The following LARGE1 variants were observed in gnomAD, a reference collection of about 807,000 sequenced individuals.
The protein encoded by LARGE1 is xylosyl- and glucuronyltransferase LARGE1.
In LARGE1, 43 loss-of-function variants were observed where a neutral mutation model predicts 87.6. That is an observed-to-expected ratio of 0.49 (90% CI 0.38 to 0.63). The LOEUF (loss-of-function observed/expected upper bound fraction) is 0.63. Among genes scored for constraint, LARGE1 ranks in the 30% least tolerant of loss-of-function variants. LARGE1 has a pLI of 0.00. For missense variants in LARGE1, 802 were observed against 1,000.2 expected (o/e 0.80, Z 2.67); for synonymous variants, 434 against 394.6 (o/e 1.10, Z -1.18).
chr22:33,336,292 C>T lies in LARGE1; in HGVS notation c.1287+1354G>A, dbSNP rs149228295. 8.4e-3 allele frequency among the ~76,000 whole-genome samples: 1,282 copies of T among 152,178 alleles called. 15 individuals carry two copies. Among genetic ancestry groups the T allele is most frequent in the African/African-American group, 0.029 (1,214 of 41,518 alleles). On this transcript the variant is annotated intron_variant, in intron 10 of 14. Transcript: ENST00000397394. ...CTCGGCTCACTGTAACCTCCGCCTC[C>T]CGGGTTCAAGCAATTCTCCTACCTC... is the stretch of plus-strand genomic sequence containing the variant.
At chr22:33,866,887 T>A (rs993843727) in intron 1 of LARGE1, among the ~76,000 whole-genome samples, 6 of 151,992 alleles carry the variant, frequency 3.9e-5, no homozygotes, top group African/African-American at 1.4e-4. Context: ...GACATAGAAA[T>A]GAACAAAGGC....
chr22:33,719,162 G>GTC (rs530967630), intron 2 of LARGE1, among the ~76,000 whole-genome samples: 30 of 152,304 alleles, frequency 2.0e-4, no homozygotes, highest in Non-Finnish European at 2.6e-4. Flanking sequence ...AGCTTACAGT[G>GTC]TAAGGATATA....
At chr22:33,872,527 C>A (rs9621790) in intron 1 of LARGE1, among the ~76,000 whole-genome samples, 23,450 of 151,892 alleles carry the variant, frequency 0.15, 1,900 homozygotes, top group South Asian at 0.31. Flanking sequence ...CCGCCACCCC[C>A]CCAGCGACAC....
At chr22:33,793,930 T>C (rs757632999) in intron 1 of LARGE1, among the ~76,000 whole-genome samples, 26 of 152,146 alleles carry the variant, frequency 1.7e-4, no homozygotes, top group Non-Finnish European at 3.5e-4. Context: ...TTGATAACCA[T>C]AATTTTTTTT....
chr22:33,242,703 T>G (rs1004830824), intron 11 of LARGE1, among the ~76,000 whole-genome samples: 4 of 152,164 alleles, frequency 2.6e-5, no homozygotes, highest in African/African-American at 9.7e-5. Flanking sequence ...TCTAGGGACA[T>G]GTATGAGTTT....
intron 1 of LARGE1, among the ~76,000 whole-genome samples, chr22:33,826,736 C>G (rs917101078): frequency 6.6e-6 from 1 of 152,142 alleles, no homozygotes; most frequent in African/African-American, 2.4e-5. Flanking sequence ...TAACCACATC[C>G]ACAAAGGGTC....
At chr22:33,140,065 C>A in the LARGE1 span, among the ~76,000 whole-genome samples, 1 of 152,162 alleles carries the variant, frequency 6.6e-6, no homozygotes, top group Non-Finnish European at 1.5e-5. Flanking sequence ...GAGGTTAGAG[C>A]CCCATTATTC....
chr22:33,241,498 T>C (rs1401635028), intron 11 of LARGE1, among the ~76,000 whole-genome samples: 1 of 151,794 alleles, frequency 6.6e-6, no homozygotes, highest in Non-Finnish European at 1.5e-5. Flanking sequence ...ATGTATTAAG[T>C]GAATGGATAA....
At chr22:33,517,003 T>C (rs1380150586) in intron 6 of LARGE1, among the ~76,000 whole-genome samples, 2 of 152,190 alleles carry the variant, frequency 1.3e-5, no homozygotes, top group African/African-American at 4.8e-5. Context: ...ACACGCACTC[T>C]TATATTGCTA....
In LARGE1 at chr22:33,565,128, T is replaced by C. The variant is rs1280524825; in HGVS notation, c.616-109A>G. The C allele has an allele frequency of 8.1e-6, 8 of 991,388 alleles. No homozygotes were observed. In the East Asian group the frequency reaches 1.5e-4, roughly 19 times the overall value. The allele number at this position is 991,388 out of a possible 1,614,324, so 61.4% of individuals were successfully genotyped here. Reference sequence around the variant, plus strand: ...TGCCTAGCACACAAAAAGTATCCAATAAAAATTTGTTGAATAAATGAATGA... The same window carrying C: ...TGCCTAGCACACAAAAAGTATCCAACAAAAATTTGTTGAATAAATGAATGA... On this transcript the variant is annotated intron_variant, in intron 5 of 14. Transcript: ENST00000397394.
At chr22:33,575,202 G>A (rs1458933709) in intron 5 of LARGE1, among the ~76,000 whole-genome samples, 8 of 152,134 alleles carry the variant, frequency 5.3e-5, no homozygotes. Flanking sequence ...AGGTCTTCTT[G>A]GCTGAATCAT....
At chr22:33,906,187 T>C (rs996617068) in intron 1 of LARGE1, among the ~76,000 whole-genome samples, 1 of 150,778 alleles carries the variant, frequency 6.6e-6, no homozygotes, top group Non-Finnish European at 1.5e-5. Context: ...TGAGGGAGGA[T>C]AACCATGAAA....
intron 2 of LARGE1, among the ~76,000 whole-genome samples, chr22:33,713,367 C>A (rs1457881978): frequency 6.6e-6 from 1 of 152,142 alleles, no homozygotes; most frequent in Non-Finnish European, 1.5e-5. Flanking sequence ...CAGCCTTTCG[C>A]TAGGAATCCC....
At chr22:33,430,838 G>A (rs1175801659) in intron 7 of LARGE1, among the ~76,000 whole-genome samples, 1 of 152,144 alleles carries the variant, frequency 6.6e-6, no homozygotes, top group Non-Finnish European at 1.5e-5. Flanking sequence ...CCCTGTGTTT[G>A]CATTTGACTT....
At chr22:33,684,955 T>G (rs1296383543) in intron 2 of LARGE1, among the ~76,000 whole-genome samples, 1 of 152,182 alleles carries the variant, frequency 6.6e-6, no homozygotes, top group Non-Finnish European at 1.5e-5. Flanking sequence ...TTGGTTTCAT[T>G]CTGAGGATTT....
intron 6 of LARGE1, among the ~76,000 whole-genome samples, chr22:33,448,318 G>T (rs955269516): frequency 1.2e-4 from 19 of 152,298 alleles, no homozygotes; most frequent in African/African-American, 4.3e-4. Flanking sequence ...GAGGGAATGT[G>T]TATGTCAAGT....
the LARGE1 span, among the ~76,000 whole-genome samples, chr22:33,131,701 T>G: frequency 6.6e-6 from 1 of 152,116 alleles, no homozygotes; most frequent in Non-Finnish European, 1.5e-5. Context: ...CCCCCAAGAT[T>G]CAATTACCTC....
intron 6 of LARGE1, among the ~76,000 whole-genome samples, chr22:33,437,772 CA>C (rs150978165): frequency 1.3e-5 from 2 of 151,498 alleles, no homozygotes; most frequent in Admixed American, 1.3e-4. Flanking sequence ...GAATGAAAGA[CA>C]AAAAAAACAT....
chr22:33,841,554 G>A (rs1055612301), intron 1 of LARGE1, among the ~76,000 whole-genome samples: 1 of 152,166 alleles, frequency 6.6e-6, no homozygotes, highest in Non-Finnish European at 1.5e-5. Flanking sequence ...AGGCCAGTGG[G>A]AAAGAACACA....
Sources: allele counts gnomAD v4.1 joint callset (sites outside exome capture counted in the v4.1 genomes callset), GRCh38; gene constraint gnomAD v4.1.1; transcripts MANE v1.5; gene names NCBI Gene and HGNC (gene_info 2026-07-23, HGNC 2026-07-21).